The following GALNT7 variants were observed in gnomAD, a reference collection of about 807,000 sequenced individuals.
GALNT7 encodes the protein polypeptide N-acetylgalactosaminyltransferase 7.
GALNT7 carries 60 observed loss-of-function variants against 82.1 expected under a neutral mutation model. The ratio of observed to expected loss-of-function variants is 0.73; its 90% CI spans 0.59 to 0.91. GALNT7 has a LOEUF of 0.91. Ranked by LOEUF, GALNT7 falls within the 40% of genes least tolerant of loss-of-function variation. GALNT7 has a pLI of 0.00. For missense variants in GALNT7, 660 were observed against 804.2 expected, an observed-to-expected ratio of 0.82 and a Z score of 2.17; for synonymous variants, 243 against 275.1, an observed-to-expected ratio of 0.88 and a Z score of 1.15.
intron 1 of GALNT7, among the ~76,000 whole-genome samples, chr4:173,188,667 G>C (rs78145141): frequency 6.6e-6 from 1 of 152,158 alleles, no homozygotes; most frequent in Non-Finnish European, 1.5e-5. Context: ...GCCTCTGCTC[G>C]CTGAATTCTG....
At chr4:173,172,107 G>A (rs1052816128) in intron 1 of GALNT7, among the ~76,000 whole-genome samples, 1 of 152,184 alleles carries the variant, frequency 6.6e-6, no homozygotes, top group Non-Finnish European at 1.5e-5. Flanking sequence ...GAGCAGGAAC[G>A]GAAGGAAGTA....
At chr4:173,179,270 A>C (rs1008282326) in intron 1 of GALNT7, among the ~76,000 whole-genome samples, 2 of 152,246 alleles carry the variant, frequency 1.3e-5, no homozygotes, top group African/African-American at 4.8e-5. Context: ...CACTCTTATC[A>C]GAAGTTGGGT....
intron 2 of GALNT7, among the ~76,000 whole-genome samples, chr4:173,253,597 CAA>C (rs1734923592): frequency 6.6e-6 from 1 of 152,028 alleles, no homozygotes; most frequent in Admixed American, 6.6e-5. Flanking sequence ...TGTAAGAGAA[CAA>C]AAGAGTTAGA....
intron 1 of GALNT7, among the ~76,000 whole-genome samples, chr4:173,208,014 T>G (rs1561154421): frequency 6.6e-6 from 1 of 152,190 alleles, no homozygotes; most frequent in Non-Finnish European, 1.5e-5. Context: ...ATTGCCTGTT[T>G]GTTTTTTCCT....
At chr4:173,182,776 C>T (rs1732293164) in intron 1 of GALNT7, among the ~76,000 whole-genome samples, 1 of 129,738 alleles carries the variant, frequency 7.7e-6, no homozygotes, top group Non-Finnish European at 1.6e-5. Flanking sequence ...GACACAACAG[C>T]GTGTTGCCTC....
Position 173,259,273 on chromosome 4 carries a change from A to G in GALNT7, c.587+10833A>G, listed in dbSNP as rs114549711. 3.4e-3 allele frequency among the ~76,000 whole-genome samples: 516 copies of G among 152,308 alleles called. 3 individuals carry two copies. Among genetic ancestry groups the G allele is most frequent in the African/African-American group, 0.012 (483 of 41,564 alleles). On this transcript the variant is annotated intron_variant, in intron 2 of 11. Coordinates refer to ENST00000265000, the MANE Select transcript of GALNT7 (RefSeq NM_017423.3). ...TGAAATGGGACAAATAGATAGGAAG[A>G]CTTTGTCCTAAGATGAAGATAGTTG...
chr4:173,320,614 G>A lies in GALNT7; in HGVS notation c.1837-966G>A, dbSNP rs73872558. On this transcript the variant is annotated intron_variant, in intron 11 of 11. Coordinates refer to ENST00000265000, the MANE Select transcript of GALNT7 (RefSeq NM_017423.3). The surrounding 1 kb of genome is among the most constrained non-coding windows in gnomAD (Gnocchi z 4.1). ...CAAGCATACAGTTTGTAAAGGGAGC[G>A]AGTACTTTAATAGCCGTTCATATAA... Among the ~76,000 whole-genome samples the A allele has an allele frequency of 0.01, 1,558 of 152,184 alleles. 31 individuals are homozygous for A. Among genetic ancestry groups the A allele is most frequent in the African/African-American group, 0.036 (1,480 of 41,518 alleles).
intron 1 of GALNT7, among the ~76,000 whole-genome samples, chr4:173,229,065 T>G (rs545518464): frequency 6.6e-6 from 1 of 152,352 alleles, no homozygotes; most frequent in Non-Finnish European, 1.5e-5. Flanking sequence ...TTGAAGACCA[T>G]TTTGTGTTTT....
intron 1 of GALNT7, among the ~76,000 whole-genome samples, chr4:173,237,691 G>C (rs1215268137): frequency 6.6e-6 from 1 of 150,666 alleles, no homozygotes; most frequent in Admixed American, 6.6e-5. Context: ...GCTGGTATTA[G>C]ATTATAAAAT....
intron 8 of GALNT7, among the ~76,000 whole-genome samples, chr4:173,304,871 A>T (rs565384137): frequency 6.6e-6 from 1 of 152,090 alleles, no homozygotes; most frequent in Non-Finnish European, 1.5e-5. Context: ...AAGGGTGCAT[A>T]GTATTAATAC....
intron 2 of GALNT7, among the ~76,000 whole-genome samples, chr4:173,259,312 G>T (rs1029609348): frequency 6.6e-6 from 1 of 152,180 alleles, no homozygotes; most frequent in African/African-American, 2.4e-5. Flanking sequence ...GATTAGTGGA[G>T]GGGGTTACAT....
rs1025066800 is a variant in GALNT7, at chr4:173,302,734, G to A, written c.1266+570G>A. Reference sequence around the variant, plus strand: ...GAAAGAGAGAGAGAACTATATCAGAGTGTGAGTTAAACAGGTATTCATTAC... The same window carrying A: ...GAAAGAGAGAGAGAACTATATCAGAATGTGAGTTAAACAGGTATTCATTAC... On this transcript the variant is annotated intron_variant, in intron 7 of 11. Transcript: ENST00000265000. The surrounding 1 kb of genome is among the most constrained non-coding windows in gnomAD (Gnocchi z 4.2). 1.3e-5 allele frequency among the ~76,000 whole-genome samples: 2 copies of A among 152,222 alleles called. No homozygotes were observed. The highest frequency in any genetic ancestry group is 1.9e-4 in the East Asian group (1 of 5,194).
At position 173,248,010 on chromosome 4, in the gene GALNT7, A is replaced by G. The variant is rs771228086; in HGVS notation, c.157A>G (p.Asn53Asp). Reference sequence around the variant, plus strand: ...CAGAGATGTCAATGACCCCATGCCCAACCGAGGCGGCAATGGACTAGCTCC... The same window carrying G: ...CAGAGATGTCAATGACCCCATGCCCGACCGAGGCGGCAATGGACTAGCTCC... Reference protein sequence around the residue: ...EDRDVNDPMPNRGGNGLAPGE... With the variant: ...EDRDVNDPMPDRGGNGLAPGE... The change falls in exon 2 of 12, where the codon AAC (asparagine) becomes GAC (aspartate). Residue 53 changes from asparagine (N) to aspartate (D), a missense_variant. Asn to Asp is a conservative substitution (Grantham distance 23, BLOSUM62 1). Coordinates refer to ENST00000265000, the MANE Select transcript of GALNT7 (RefSeq NM_017423.3). The G allele has an allele frequency of 1.2e-6, 2 of 1,613,254 alleles. No homozygotes were observed. The highest frequency in any genetic ancestry group is 2.2e-5 in the South Asian group (2 of 91,044).
intron 1 of GALNT7, among the ~76,000 whole-genome samples, chr4:173,174,926 CG>C (rs1731988275): frequency 1.3e-5 from 2 of 152,036 alleles, no homozygotes; most frequent in Non-Finnish European, 2.9e-5. Flanking sequence ...GTGTGAGATA[CG>C]ATTTGGGTTC....
rs70944442 is a variant in GALNT7, at chr4:173,288,282, C to CAAAAAAAAAAAA, written c.588-3814_588-3803dup. 1.5e-3 allele frequency among the ~76,000 whole-genome samples: 94 copies of CAAAAAAAAAAAA among 62,948 alleles called. 1 individual carries two copies. The highest frequency in any genetic ancestry group is 6.6e-3 in the African/African-American group (75 of 11,448). The allele number at this position is 62,948 out of a possible 152,430, so 41.3% of individuals were successfully genotyped here. ...TGGGCGACAGAGCGAGACTCCATCT[C>CAAAAAAAAAAAA]AAAAAAAAAAAAAAAAAAAAAAAGA... On this transcript the variant is annotated intron_variant, in intron 2 of 11. Coordinates refer to ENST00000265000, the MANE Select transcript of GALNT7 (RefSeq NM_017423.3).
intron 1 of GALNT7, among the ~76,000 whole-genome samples, chr4:173,172,881 C>T (rs1310830959): frequency 2.6e-5 from 4 of 152,050 alleles, no homozygotes; most frequent in South Asian, 2.1e-4. Flanking sequence ...ATCTTAAGTG[C>T]GGTGAGAAGC....
chr4:173,298,125 A>G lies in GALNT7; in HGVS notation c.976A>G (p.Thr326Ala). Residue 326 changes from threonine (T) to alanine (A), a missense_variant, in exon 6 of 12, where the codon ACT (threonine) becomes GCT (alanine). By Grantham distance (58) the Thr-to-Ala change is moderately conservative. Coordinates refer to ENST00000265000, the MANE Select transcript of GALNT7 (RefSeq NM_017423.3). ...ATCAACACAATACAGAACCATTTGC[A>G]CTGTGCCGCTTATAGATGTCATAAA... is the stretch of plus-strand genomic sequence containing the variant. ...APISKDRTIC[T>A]VPLIDVINGN... The G allele has an allele frequency of 1.9e-6, 3 of 1,613,986 alleles. No individual in the cohort carries two copies. The highest frequency in any genetic ancestry group is 2.5e-6 in the Non-Finnish European group (3 of 1,179,954).
intron 2 of GALNT7, among the ~76,000 whole-genome samples, chr4:173,287,955 C>T (rs1354095681): frequency 6.6e-6 from 1 of 152,024 alleles, no homozygotes; most frequent in Admixed American, 6.5e-5. Context: ...TGTTTAAATG[C>T]CAATGTAGTT....
intron 8 of GALNT7, among the ~76,000 whole-genome samples, chr4:173,305,381 T>C (rs1737115711): frequency 1.3e-5 from 2 of 152,200 alleles, no homozygotes; most frequent in Admixed American, 1.3e-4. Flanking sequence ...ATTCCATAGA[T>C]TGTCTACTTT....
Sources: allele counts gnomAD v4.1 joint callset (sites outside exome capture counted in the v4.1 genomes callset), GRCh38; gene constraint gnomAD v4.1.1; non-coding constraint Gnocchi (gnomAD v3.1); transcripts MANE v1.5; gene names NCBI Gene and HGNC (gene_info 2026-07-23, HGNC 2026-07-21).